SMYD3: variants seen among roughly 807,000 people sequenced by gnomAD.
The protein encoded by SMYD3 is histone-lysine N-methyltransferase SMYD3.
A neutral mutation model predicts 57.7 loss-of-function variants in SMYD3; 36 were observed. The observed-to-expected ratio is 0.62, with a 90% confidence interval of 0.48 to 0.82. The LOEUF (loss-of-function observed/expected upper bound fraction) is 0.82, where lower values mean the gene tolerates loss of function less well. Ranked by LOEUF, SMYD3 falls within the 40% of genes least tolerant of loss-of-function variation. SMYD3 has a pLI of 0.00. For synonymous variants in SMYD3, 211 were observed against 195.0 expected, an observed-to-expected ratio of 1.08 and a Z score of -0.68; for missense variants, 515 against 538.8, an observed-to-expected ratio of 0.96 and a Z score of 0.44.
intron 5 of SMYD3, among the ~76,000 whole-genome samples, chr1:246,142,959 T>A (rs2061782006): frequency 6.6e-6 from 1 of 152,184 alleles, no homozygotes. Flanking sequence ...TCTGTGCAAG[T>A]CTGGCTGTGC....
chr1:246,187,212 C>A (rs1375382523), intron 5 of SMYD3, among the ~76,000 whole-genome samples: 19 of 151,392 alleles, frequency 1.3e-4, no homozygotes, highest in Admixed American at 3.3e-4. Context: ...TGGTGTGAAC[C>A]CGGAGGCAGA....
intron 1 of SMYD3, among the ~76,000 whole-genome samples, chr1:246,486,405 G>A (rs1027224746): frequency 4.6e-5 from 7 of 152,096 alleles, no homozygotes; most frequent in Non-Finnish European, 7.4e-5. Flanking sequence ...CTGAACTTCT[G>A]ACCTTTTAGG....
intron 8 of SMYD3, among the ~76,000 whole-genome samples, chr1:245,887,221 C>T (rs1360896410): frequency 1.3e-5 from 2 of 152,138 alleles, no homozygotes; most frequent in African/African-American, 4.8e-5. Flanking sequence ...ACCGAGATGG[C>T]CATGAGAGTG....
At chr1:246,225,354 A>C (rs1479503698) in intron 5 of SMYD3, among the ~76,000 whole-genome samples, 1 of 137,302 alleles carries the variant, frequency 7.3e-6, no homozygotes, top group Non-Finnish European at 1.6e-5. Context: ...AAAAAAAAAA[A>C]AAACAGAAAA....
At chr1:246,257,574 C>G (rs1202912394) in intron 5 of SMYD3, among the ~76,000 whole-genome samples, 1 of 152,200 alleles carries the variant, frequency 6.6e-6, no homozygotes, top group Non-Finnish European at 1.5e-5. Context: ...TTTTATCAAA[C>G]TTGCTACTCT....
intron 2 of SMYD3, among the ~76,000 whole-genome samples, chr1:246,340,724 T>C (rs1288793990): frequency 6.6e-6 from 1 of 152,158 alleles, no homozygotes; most frequent in African/African-American, 2.4e-5. Flanking sequence ...AGTAATTTAT[T>C]TTAAAAAATT....
chr1:246,343,398 T>C (rs1038081474), intron 2 of SMYD3, among the ~76,000 whole-genome samples: 3 of 152,148 alleles, frequency 2.0e-5, no homozygotes, highest in African/African-American at 7.2e-5. Context: ...CAGCCATCAA[T>C]GGATGAGTGG....
intron 5 of SMYD3, among the ~76,000 whole-genome samples, chr1:246,246,356 A>T (rs2063704142): frequency 6.6e-6 from 1 of 152,168 alleles, no homozygotes; most frequent in South Asian, 2.1e-4. Context: ...TGTTCAAATG[A>T]GATTCTATGT....
intron 10 of SMYD3, among the ~76,000 whole-genome samples, chr1:245,829,954 ACTGGGGGG>A (rs760410414): frequency 2.5e-4 from 38 of 152,164 alleles, no homozygotes; most frequent in African/African-American, 7.2e-4. Flanking sequence ...TTATCTAGGG[ACTGGGGGG>A]CTGGGGAGAT....
chr1:246,012,338 C>T (rs1267433959), intron 5 of SMYD3, among the ~76,000 whole-genome samples: 1 of 152,130 alleles, frequency 6.6e-6, no homozygotes, highest in African/African-American at 2.4e-5. Flanking sequence ...GCAAATGTAC[C>T]GGTTATCAAT....
chr1:246,084,391 T>A (rs1251756477), intron 5 of SMYD3, among the ~76,000 whole-genome samples: 1 of 151,934 alleles, frequency 6.6e-6, no homozygotes, highest in African/African-American at 2.4e-5. Context: ...ATTTTTTGTA[T>A]TTTTTGTAGA....
At chr1:245,977,634 G>A (rs772620168) in intron 5 of SMYD3, among the ~76,000 whole-genome samples, 7 of 152,164 alleles carry the variant, frequency 4.6e-5, no homozygotes, top group Admixed American at 1.3e-4. Flanking sequence ...AGCCGAGATC[G>A]TGCCACTGCA....
chr1:246,230,004 G>T (rs2063387661), intron 5 of SMYD3, among the ~76,000 whole-genome samples: 1 of 152,090 alleles, frequency 6.6e-6, no homozygotes, highest in Non-Finnish European at 1.5e-5. Context: ...GTGTTAAGCA[G>T]GTGGACCCCA....
At chr1:245,832,262 A>G (rs1165524150) in intron 10 of SMYD3, among the ~76,000 whole-genome samples, 2 of 152,222 alleles carry the variant, frequency 1.3e-5, no homozygotes, top group Non-Finnish European at 2.9e-5. Context: ...TCCTTCTGAA[A>G]TTTAATGGCT....
chr1:246,340,594 T>C (rs998501460), intron 2 of SMYD3, among the ~76,000 whole-genome samples: 1 of 152,120 alleles, frequency 6.6e-6, no homozygotes, highest in African/African-American at 2.4e-5. Context: ...TTTGGGGAAA[T>C]AGGCATTTTC....
intron 5 of SMYD3, among the ~76,000 whole-genome samples, chr1:246,002,467 C>T (rs1304729380): frequency 4.0e-5 from 2 of 50,580 alleles, no homozygotes; most frequent in Non-Finnish European, 9.3e-5. Flanking sequence ...TACAGGCGCC[C>T]GCCACCACGC....
intron 10 of SMYD3, among the ~76,000 whole-genome samples, chr1:245,824,546 C>T (rs1400777843): frequency 1.3e-5 from 2 of 151,924 alleles, no homozygotes; most frequent in Non-Finnish European, 2.9e-5. Flanking sequence ...GTGAAACCCC[C>T]AACTCTACTA....
At chr1:246,221,958 T>C (rs979192268) in intron 5 of SMYD3, among the ~76,000 whole-genome samples, 1 of 152,156 alleles carries the variant, frequency 6.6e-6, no homozygotes, top group Non-Finnish European at 1.5e-5. Context: ...TTATATCCTG[T>C]TATATTGTCT....
At chr1:246,441,066 TG>T (rs1159994659) in intron 1 of SMYD3, among the ~76,000 whole-genome samples, 2 of 152,156 alleles carry the variant, frequency 1.3e-5, no homozygotes, top group Non-Finnish European at 2.9e-5. Flanking sequence ...CCTTAATCTC[TG>T]TTTTGTGCGT....
Sources: allele counts gnomAD v4.1 joint callset (sites outside exome capture counted in the v4.1 genomes callset), GRCh38; gene constraint gnomAD v4.1.1; transcripts MANE v1.5; gene names NCBI Gene and HGNC (gene_info 2026-07-23, HGNC 2026-07-21).